Variants in MYO18A observed in about 807,000 individuals in gnomAD.
MYO18A encodes the protein unconventional myosin-XVIIIa.
MYO18A carries 78 observed loss-of-function variants against 235.8 expected under a neutral mutation model. That is an observed-to-expected ratio of 0.33 (90% CI 0.28 to 0.40). MYO18A has a LOEUF of 0.40. MYO18A is among the 10% of genes least tolerant of loss of function. The pLI is 1.00. For missense variants in MYO18A, 2,215 were observed against 2,699.3 expected, an observed-to-expected ratio of 0.82 and a Z score of 3.98; for synonymous variants, 977 against 1,077.8, an observed-to-expected ratio of 0.91 and a Z score of 1.83.
chr17:29,110,679 G>A, intron 17 of MYO18A, 57 bp from the exon 18 acceptor site: 1 of 1,526,534 alleles, frequency 6.6e-7, no homozygotes. Context: ...GAGCGGGAAA[G>A]GCCGCTCCTC....
chr17:29,110,465 ACTT>A lies in MYO18A; in HGVS notation c.3055_3057del (p.Lys1019del). ...TGTAGCTTCATCTGGATGCACAGTG[ACTT>A]CTTTTTGACAGCCGCCATGCCTGTG... is the stretch of plus-strand genomic sequence containing the variant. On this transcript the variant is annotated inframe_deletion, in exon 18 of 42. Coordinates refer to ENST00000527372, the MANE Select transcript of MYO18A (RefSeq NM_078471.4). The A allele has an allele frequency of 1.9e-6, 3 of 1,595,358 alleles. No individual in the cohort carries two copies. The highest frequency in any genetic ancestry group is 2.6e-6 in the Non-Finnish European group (3 of 1,171,494).
At chr17:29,170,570 C>T (rs1314593059) in intron 1 of MYO18A, among the ~76,000 whole-genome samples, 2 of 152,206 alleles carry the variant, frequency 1.3e-5, no homozygotes, top group African/African-American at 2.4e-5. Context: ...CCTCTCCCTC[C>T]ACTCCAGTAA....
At chr17:29,138,132 C>T (rs1169488900) in intron 2 of MYO18A, among the ~76,000 whole-genome samples, 1 of 152,136 alleles carries the variant, frequency 6.6e-6, no homozygotes, top group Non-Finnish European at 1.5e-5. Context: ...GGAATGGGGG[C>T]ACAAATGCTC....
chr17:29,088,301 A>G (rs965003567), intron 37 of MYO18A, among the ~76,000 whole-genome samples: 4 of 151,486 alleles, frequency 2.6e-5, no homozygotes, highest in East Asian at 1.9e-4. Context: ...TGATCCGCCC[A>G]CCTTGGCCTC....
intron 32 of MYO18A, 144 bp downstream of exon 32, chr17:29,093,179 A>G (rs1450481375): frequency 2.5e-5 from 27 of 1,069,676 alleles, no homozygotes; most frequent in Middle Eastern, 3.0e-4. Context: ...TGATGCCCCC[A>G]TCCCACAAGG....
At chr17:29,130,004 T>C (rs906372108) in intron 2 of MYO18A, among the ~76,000 whole-genome samples, 1 of 152,148 alleles carries the variant, frequency 6.6e-6, no homozygotes, top group Admixed American at 6.5e-5. Flanking sequence ...ATCATTAAGA[T>C]GATGACGATG....
rs907958729 is a variant in MYO18A, at chr17:29,118,175, CTGCTTT to C, written c.1902_1907del (p.Gln636_Lys637del). On this transcript the variant is annotated inframe_deletion, in exon 10 of 42. Transcript: ENST00000527372. This position sits in a 1 kb window ranked among gnomAD's most constrained non-coding sequence, Gnocchi z 4.2. ...GCTTACTAAACTGCTGAGCTGCCTT[CTGCTTT>C]TCCTCAGGCTGTGGAGATAGATGAC... 18 of 1,599,780 alleles carry C rather than the reference CTGCTTT, an allele frequency of 1.1e-5. No individual in the cohort carries two copies. Among genetic ancestry groups the C allele is most frequent in the Non-Finnish European group, 1.5e-5 (17 of 1,172,376 alleles).
chr17:29,119,144 C>T (rs920210254), intron 8 of MYO18A, among the ~76,000 whole-genome samples, 191 bp downstream of exon 8: 11 of 152,198 alleles, frequency 7.2e-5, no homozygotes, highest in African/African-American at 2.4e-4. Flanking sequence ...TCTTGATAGG[C>T]AGGGACTATG....
intron 19 of MYO18A, among the ~76,000 whole-genome samples, chr17:29,108,765 A>G (rs2066854937): frequency 6.6e-6 from 1 of 152,226 alleles, no homozygotes; most frequent in Non-Finnish European, 1.5e-5. Flanking sequence ...TTGATGGGCC[A>G]GGATAGCAGG....
chr17:29,086,786 G>A, intron 38 of MYO18A, 150 bp downstream of exon 38: 6 of 1,148,710 alleles, frequency 5.2e-6, no homozygotes, highest in Admixed American at 2.7e-5. Flanking sequence ...TTCCTGGCCT[G>A]CCCTCTTGAT....
intron 11 of MYO18A, among the ~76,000 whole-genome samples, chr17:29,116,063 A>G (rs2067052071): frequency 6.6e-6 from 1 of 152,212 alleles, no homozygotes; most frequent in Non-Finnish European, 1.5e-5. Context: ...AGGTAACTCC[A>G]CATGCTGCCA....
Position 29,074,107 on chromosome 17 carries a change from A to T in MYO18A, c.*663T>A, listed in dbSNP as rs1451396260. 5.0e-6 allele frequency: 8 copies of T among 1,613,976 alleles called. No homozygotes were observed. The highest frequency in any genetic ancestry group is 1.7e-5 in the Admixed American group (1 of 60,014). ...GCACCGGAGAGCCCCTCCGCACCTC[A>T]TTCTTAAGAACCTGGACCCGGCTCT... On this transcript the variant is annotated 3_prime_UTR_variant, in exon 42 of 42. Transcript: ENST00000527372. This position sits in a 1 kb window ranked among gnomAD's most constrained non-coding sequence, Gnocchi z 4.4.
In MYO18A at chr17:29,074,599, A is replaced by G. The variant is rs2065931196; in HGVS notation, c.*171T>C. On this transcript the variant is annotated 3_prime_UTR_variant, in exon 42 of 42. Coordinates refer to ENST00000527372, the MANE Select transcript of MYO18A (RefSeq NM_078471.4). This position sits in a 1 kb window ranked among gnomAD's most constrained non-coding sequence, Gnocchi z 4.4. ...TCTTTCCCCCACCTCTTCCACGTGG[A>G]GACATCAGACACCCATAGCCTGGAA... is the stretch of plus-strand genomic sequence containing the variant. 1 of 675,312 alleles carries G rather than the reference A, an allele frequency of 1.5e-6. No homozygotes were observed. 41.8% of individuals were successfully genotyped at this position (675,312 alleles called of 1,614,324 possible). A position where few individuals can be genotyped will look rare whatever the true frequency, so the allele number is the denominator to read the frequency against.
intron 18 of MYO18A, 82 bp downstream of exon 18, chr17:29,110,352 AGT>A: frequency 7.0e-7 from 1 of 1,433,976 alleles, no homozygotes; most frequent in African/African-American, 1.4e-5. Flanking sequence ...AGATGGCCTC[AGT>A]GTGCTCGGAG....
At chr17:29,143,190 A>G (rs1208595741) in intron 2 of MYO18A, among the ~76,000 whole-genome samples, 1 of 152,252 alleles carries the variant, frequency 6.6e-6, no homozygotes, top group Admixed American at 6.5e-5. Flanking sequence ...TAAAAGAATT[A>G]GTTCATACAT....
chr17:29,120,624 A>G lies in MYO18A; in HGVS notation c.1720T>C (p.Ser574Pro). The change falls in exon 7 of 42, where the codon TCC becomes CCC. Residue 574 changes from serine (S) to proline (P), a missense_variant. Physicochemically the swap from Ser to Pro is moderately conservative, Grantham distance 74. Transcript: ENST00000527372. The surrounding 1 kb of genome is among the most constrained non-coding windows in gnomAD (Gnocchi z 4.2). ...FDQAGQVASA[S>P]IQTMLLEKLR... The stretch of plus-strand genomic sequence containing the variant: ...CTGGGCAGCACTCTCACCTGAATGG[A>G]GGCTGAGGCCACCTGGCCAGCTTGG... 1 of 1,613,600 alleles carries G rather than the reference A, an allele frequency of 6.2e-7. No individual in the cohort carries two copies. Among genetic ancestry groups the G allele is most frequent in the Non-Finnish European group, 8.5e-7 (1 of 1,179,694 alleles).
intron 2 of MYO18A, chr17:29,124,822 T>C: frequency 1.6e-6 from 1 of 630,990 alleles, no homozygotes; most frequent in Non-Finnish European, 2.3e-6. Flanking sequence ...GGGGTGAAGG[T>C]GGGGGAGCTT....
chr17:29,138,649 C>G (rs2067663556), intron 2 of MYO18A, among the ~76,000 whole-genome samples: 3 of 152,228 alleles, frequency 2.0e-5, no homozygotes. Context: ...CACAACATCC[C>G]TCTGAAATAG....
At chr17:29,159,885 AG>A (rs1455288085) in intron 2 of MYO18A, among the ~76,000 whole-genome samples, 1 of 152,242 alleles carries the variant, frequency 6.6e-6, no homozygotes, top group Non-Finnish European at 1.5e-5. Flanking sequence ...CCAAGCCTGC[AG>A]GCCCGAGAAG....
Sources: allele counts gnomAD v4.1 joint callset (sites outside exome capture counted in the v4.1 genomes callset), GRCh38; gene constraint gnomAD v4.1.1; non-coding constraint Gnocchi (gnomAD v3.1); transcripts MANE v1.5; gene names NCBI Gene and HGNC (gene_info 2026-07-23, HGNC 2026-07-21).